Variants in DLC1 observed in about 807,000 individuals in gnomAD.
DLC1 encodes rho GTPase-activating protein 7.
A neutral mutation model predicts 140.3 loss-of-function variants in DLC1; 54 were observed. The ratio of observed to expected loss-of-function variants is 0.38; its 90% confidence interval spans 0.31 to 0.48. The LOEUF (loss-of-function observed/expected upper bound fraction) is 0.48. Among genes scored for constraint, DLC1 ranks in the 20% least tolerant of loss-of-function variants. The pLI, the probability that DLC1 is intolerant of heterozygous loss-of-function variation, is 0.96. For synonymous variants in DLC1, 986 were observed against 728.1 expected, an observed-to-expected ratio of 1.35 and a Z score of -5.70; for missense variants, 2,536 against 1,907.0, an observed-to-expected ratio of 1.33 and a Z score of -6.14.
chr8:13,174,435 C>T (rs374428881), intron 5 of DLC1, among the ~76,000 whole-genome samples: 1 of 152,170 alleles, frequency 6.6e-6, no homozygotes, highest in African/African-American at 2.4e-5. Flanking sequence ...TTTGAGAAAT[C>T]TCCAAACCAC....
intron 1 of DLC1, among the ~76,000 whole-genome samples, chr8:13,588,660 T>C (rs1046164662): frequency 6.6e-6 from 1 of 152,072 alleles, no homozygotes; most frequent in African/African-American, 2.4e-5. Flanking sequence ...CTTGGTACAA[T>C]TTACCTCTAA....
intron 2 of DLC1, among the ~76,000 whole-genome samples, chr8:13,425,287 A>T (rs1838513661): frequency 6.6e-6 from 1 of 152,212 alleles, no homozygotes; most frequent in African/African-American, 2.4e-5. Context: ...CGTTGCCAGG[A>T]ACACAGACAG....
intron 5 of DLC1, among the ~76,000 whole-genome samples, chr8:13,300,505 C>A (rs1212694024): frequency 6.6e-6 from 1 of 152,134 alleles, no homozygotes; most frequent in East Asian, 1.9e-4. Flanking sequence ...CATCCCCCTC[C>A]CCCAGTCTCC....
intron 5 of DLC1, among the ~76,000 whole-genome samples, chr8:13,205,647 A>G (rs576200002): frequency 6.6e-6 from 1 of 152,344 alleles, no homozygotes; most frequent in South Asian, 2.1e-4. Context: ...CTAATATTTT[A>G]AGAAAGCTTG....
intron 2 of DLC1, among the ~76,000 whole-genome samples, chr8:13,490,777 A>G (rs1333583305): frequency 6.6e-6 from 1 of 152,064 alleles, no homozygotes; most frequent in Non-Finnish European, 1.5e-5. Context: ...AAGTGTATTA[A>G]TTCTTGCTCC....
chr8:13,105,530 C>T (rs1819490261), intron 7 of DLC1, among the ~76,000 whole-genome samples: 1 of 151,874 alleles, frequency 6.6e-6, no homozygotes, highest in African/African-American at 2.4e-5. Flanking sequence ...TTGTCTAAGT[C>T]CACACGATTA....
chr8:13,587,615 AT>A (rs1805375144), intron 1 of DLC1, among the ~76,000 whole-genome samples: 1 of 148,888 alleles, frequency 6.7e-6, no homozygotes, highest in Admixed American at 6.8e-5. Flanking sequence ...ATATATATAT[AT>A]ATATATATAC....
chr8:13,179,764 T>C (rs1293385121), intron 5 of DLC1, among the ~76,000 whole-genome samples: 2 of 151,880 alleles, frequency 1.3e-5, no homozygotes, highest in Non-Finnish European at 2.9e-5. Context: ...GGAAGCTAAT[T>C]ACCAGAGGCA....
intron 5 of DLC1, among the ~76,000 whole-genome samples, chr8:13,190,784 A>T (rs11782204): frequency 0.16 from 24,893 of 152,042 alleles, 2,160 homozygotes; most frequent in South Asian, 0.2. Flanking sequence ...GGGGACAAGA[A>T]CCAAGCAGGG....
intron 5 of DLC1, among the ~76,000 whole-genome samples, chr8:13,168,886 G>A (rs1825278251): frequency 6.6e-6 from 1 of 152,084 alleles, no homozygotes; most frequent in Non-Finnish European, 1.5e-5. Flanking sequence ...AGAATTCTGT[G>A]TTTCCTGATG....
intron 2 of DLC1, among the ~76,000 whole-genome samples, chr8:13,408,077 G>A (rs1223852915): frequency 3.3e-5 from 5 of 152,078 alleles, no homozygotes; most frequent in Non-Finnish European, 5.9e-5. Context: ...GAATTTCTAG[G>A]CAAGTTAAAT....
Position 13,544,197 on chromosome 8 carries a change from A to AC in DLC1, c.-125-44002_-125-44001insG, listed in dbSNP as rs61518550. 2.2e-3 allele frequency among the ~76,000 whole-genome samples: 323 copies of AC among 144,870 alleles called. 2 individuals carry two copies. Among genetic ancestry groups the AC allele is most frequent in the African/African-American group, 8.0e-3 (311 of 38,782 alleles). On this transcript the variant is annotated intron_variant, in intron 1 of 1. Transcript: ENST00000631382. ...TGTCATTCTCTCTTACACACACACAAACACACACACACACACACACACACA... is the reference window on the plus strand; with the variant it reads ...TGTCATTCTCTCTTACACACACACAACACACACACACACACACACACACACA...
chr8:13,591,341 G>A (rs1041633477), intron 1 of DLC1, among the ~76,000 whole-genome samples: 2 of 152,050 alleles, frequency 1.3e-5, no homozygotes, highest in Non-Finnish European at 2.9e-5. Flanking sequence ...AAATCATGGG[G>A]GCAGTTGCCC....
chr8:13,565,310 T>C (rs1804387742), intron 1 of DLC1, among the ~76,000 whole-genome samples: 1 of 152,190 alleles, frequency 6.6e-6, no homozygotes, highest in Admixed American at 6.5e-5. Context: ...TAGATTTTAT[T>C]TTAAGTATAG....
intron 5 of DLC1, among the ~76,000 whole-genome samples, chr8:13,228,175 A>C (rs1364965072): frequency 6.6e-6 from 1 of 152,142 alleles, no homozygotes; most frequent in Non-Finnish European, 1.5e-5. Context: ...TCTTGTTCTA[A>C]TATTCTTATT....
chr8:13,308,136 G>A (rs1406617894), intron 4 of DLC1, among the ~76,000 whole-genome samples: 3 of 152,166 alleles, frequency 2.0e-5, no homozygotes, highest in East Asian at 1.9e-4. Context: ...AACCATGCAT[G>A]TGTAATTAAA....
At chr8:13,135,734 G>T (rs1585736729) in intron 5 of DLC1, among the ~76,000 whole-genome samples, 2 of 151,854 alleles carry the variant, frequency 1.3e-5, no homozygotes, top group African/African-American at 4.8e-5. Context: ...ATTTAATTAG[G>T]TTCCCAGGAG....
chr8:13,401,996 T>C (rs550894350), intron 2 of DLC1, among the ~76,000 whole-genome samples: 33 of 152,338 alleles, frequency 2.2e-4, no homozygotes, highest in African/African-American at 7.7e-4. Context: ...TATTTGTGGC[T>C]AGACATTTAG....
At chr8:13,488,585 T>C (rs1158175917) in intron 2 of DLC1, among the ~76,000 whole-genome samples, 2 of 152,176 alleles carry the variant, frequency 1.3e-5, no homozygotes, top group East Asian at 1.9e-4. Context: ...CTAAAATGTA[T>C]CCTTTAAAGC....
Sources: gnomAD v4.1 joint callset for allele counts (sites outside exome capture counted in the v4.1 genomes callset) on GRCh38, gnomAD v4.1.1 for gene constraint, MANE v1.5 for transcripts, NCBI Gene and HGNC (gene_info 2026-07-23, HGNC 2026-07-21) for gene names.